Variants in RYR3 observed in about 807,000 individuals in gnomAD.
The protein encoded by RYR3 is ryanodine receptor 3, also known as brain ryanodine receptor-calcium release channel.
In RYR3, 207 loss-of-function variants were observed where a neutral mutation model predicts 584.3. That is an observed-to-expected ratio of 0.35 (90% confidence interval 0.32 to 0.40). The LOEUF (loss-of-function observed/expected upper bound fraction) is 0.40, where lower values mean the gene tolerates loss of function less well. RYR3 is among the 10% of genes least tolerant of loss of function. RYR3 has a pLI of 1.00. For synonymous variants in RYR3, 2,416 were observed against 2,248.5 expected (o/e 1.07, Z -2.11); for missense variants, 5,616 against 6,089.2 (o/e 0.92, Z 2.59).
At chr15:33,314,448 C>T (rs944405986) in intron 1 of RYR3, among the ~76,000 whole-genome samples, 2 of 152,204 alleles carry the variant, frequency 1.3e-5, no homozygotes, top group Non-Finnish European at 2.9e-5. Context: ...GCTGGCACCA[C>T]ATTCTGCTTT....
intron 18 of RYR3, among the ~76,000 whole-genome samples, chr15:33,608,951 G>C (rs920548807): frequency 6.6e-6 from 1 of 152,208 alleles, no homozygotes; most frequent in Non-Finnish European, 1.5e-5. Context: ...GCTAAATAAA[G>C]TTCAGAGCTC....
intron 45 of RYR3, among the ~76,000 whole-genome samples, chr15:33,726,100 C>T (rs928762524): frequency 3.9e-5 from 6 of 151,910 alleles, no homozygotes; most frequent in Non-Finnish European, 5.9e-5. Context: ...ACCAGCAGGC[C>T]GTGTAGTTAT....
chr15:33,667,193 A>G (rs2063535672), intron 36 of RYR3, among the ~76,000 whole-genome samples: 1 of 152,162 alleles, frequency 6.6e-6, no homozygotes, highest in Non-Finnish European at 1.5e-5. Context: ...AGAGATTGCA[A>G]ATTTTTCCAA....
intron 87 of RYR3, among the ~76,000 whole-genome samples, chr15:33,836,564 C>G (rs1053295977): frequency 3.3e-5 from 5 of 152,170 alleles, no homozygotes; most frequent in African/African-American, 9.6e-5. Flanking sequence ...TGGTAATTCT[C>G]CAGTGTAGAT....
intron 2 of RYR3, among the ~76,000 whole-genome samples, chr15:33,489,112 A>G (rs2050746193): frequency 1.3e-5 from 2 of 152,190 alleles, no homozygotes; most frequent in Admixed American, 1.3e-4. Flanking sequence ...GAATTTTGCT[A>G]CCTGTCACAT....
rs377130444 is a variant in RYR3, at chr15:33,659,820, C to G, written c.4395+14C>G. ...GGAAAGCTGAAGGTATTTATTTGTC[C>G]TCTCATCTAATGGCCATGACAAGAG... is the stretch of plus-strand genomic sequence containing the variant. On this transcript the variant is annotated intron_variant, in intron 33 of 103. Coordinates refer to ENST00000634891, the MANE Select transcript of RYR3 (RefSeq NM_001036.6). 1.0e-5 allele frequency: 16 copies of G among 1,546,674 alleles called. No individual in the cohort carries two copies. Among genetic ancestry groups the G allele is most frequent in the South Asian group, 9.0e-5 (8 of 89,098 alleles).
intron 70 of RYR3, among the ~76,000 whole-genome samples, chr15:33,809,110 C>G (rs2076369936): frequency 6.6e-6 from 1 of 152,106 alleles, no homozygotes; most frequent in African/African-American, 2.4e-5. Context: ...GAGATTAGTC[C>G]CAAGACACTG....
intron 7 of RYR3, among the ~76,000 whole-genome samples, 170 bp downstream of exon 7, chr15:33,541,060 A>G (rs997765148): frequency 1.3e-5 from 2 of 151,994 alleles, no homozygotes; most frequent in Non-Finnish European, 2.9e-5. Context: ...ATTATTTTCT[A>G]TTCTAACTTC....
Position 33,647,360 on chromosome 15 carries a change from C to T in RYR3, c.3942-64C>T, listed in dbSNP as rs11854070. The T allele has an allele frequency of 6.6e-3, 8,710 of 1,316,530 alleles. 420 individuals carry two copies. The African/African-American group carries it at 0.11, about 16-fold the overall frequency. 81.6% of individuals were successfully genotyped at this position (1,316,530 alleles called of 1,614,324 possible). A position where few individuals can be genotyped will look rare whatever the true frequency, so the allele number is the denominator to read the frequency against. On this transcript the variant is annotated intron_variant, in intron 29 of 103. Transcript: ENST00000634891. ...GATCATTGAAGGTAGATCAAGTTGC[C>T]TGTCGGAACTGTGGGATTCTCAATA...
intron 1 of RYR3, among the ~76,000 whole-genome samples, chr15:33,413,533 G>T (rs909667902): frequency 5.3e-5 from 8 of 152,232 alleles, no homozygotes; most frequent in African/African-American, 1.9e-4. Context: ...CTGATTTAGG[G>T]ACAGGAGTGT....
At chr15:33,420,880 T>A (rs976334035) in intron 1 of RYR3, among the ~76,000 whole-genome samples, 1 of 152,100 alleles carries the variant, frequency 6.6e-6, no homozygotes, top group African/African-American at 2.4e-5. Context: ...ACCTACCTGC[T>A]GTGATGGTAA....
intron 57 of RYR3, among the ~76,000 whole-genome samples, chr15:33,751,647 T>C (rs1340320523): frequency 2.0e-5 from 3 of 152,110 alleles, no homozygotes; most frequent in African/African-American, 2.4e-5. Context: ...GTCAGACAGA[T>C]AGATTGCAGA....
At chr15:33,586,245 A>G in intron 16 of RYR3, 129 bp downstream of exon 16, 1 of 657,154 alleles carries the variant, frequency 1.5e-6, no homozygotes, top group Non-Finnish European at 2.7e-6. Flanking sequence ...GGGAAACTGG[A>G]AAAAAGACTT....
chr15:33,776,368 G>A (rs150831743), intron 64 of RYR3, among the ~76,000 whole-genome samples: 7 of 152,312 alleles, frequency 4.6e-5, no homozygotes, highest in East Asian at 1.9e-4. Context: ...GCAGAATACC[G>A]AATTATTTAA....
intron 57 of RYR3, among the ~76,000 whole-genome samples, 192 bp from the exon 58 acceptor site, chr15:33,754,873 T>G (rs72715127): frequency 0.015 from 2,235 of 152,302 alleles, 27 homozygotes; most frequent in Middle Eastern, 0.027. Flanking sequence ...ATAAAGGTCT[T>G]TCTGAAAAAT....
At chr15:33,592,348 G>A (rs1462165880) in intron 16 of RYR3, among the ~76,000 whole-genome samples, 1 of 152,144 alleles carries the variant, frequency 6.6e-6, no homozygotes, top group Non-Finnish European at 1.5e-5. Context: ...TTTCGGAGTG[G>A]GACTTGGGGC....
At chr15:33,828,166 G>T (rs1567260502) in intron 85 of RYR3, among the ~76,000 whole-genome samples, 1 of 152,176 alleles carries the variant, frequency 6.6e-6, no homozygotes. Context: ...GTTTTGGGGT[G>T]CCATGAACTA....
rs1267498907 is a variant in RYR3, at chr15:33,854,471, A to G, written c.13860+22A>G. ...CAACGTAAGTACTGCACCTGGAAAA[A>G]CAAAATTCTATACCCCAGTTCAGGG... On this transcript the variant is annotated intron_variant, in intron 97 of 103. Transcript: ENST00000634891. The G allele has an allele frequency of 4.5e-6, 7 of 1,544,354 alleles. No individual in the cohort carries two copies. In the East Asian group the frequency reaches 9.4e-5, roughly 21 times the overall value.
chr15:33,551,173 G>C (rs1293577663), intron 10 of RYR3, among the ~76,000 whole-genome samples: 1 of 152,172 alleles, frequency 6.6e-6, no homozygotes, highest in East Asian at 1.9e-4. Context: ...TGAGTGTTCT[G>C]GAAAGATCAT....
Sources: gnomAD v4.1 joint callset for allele counts (sites outside exome capture counted in the v4.1 genomes callset) on GRCh38, gnomAD v4.1.1 for gene constraint, MANE v1.5 for transcripts, NCBI Gene and HGNC (gene_info 2026-07-23, HGNC 2026-07-21) for gene names.